Variants in ARHGAP28 observed in about 807,000 individuals in gnomAD.
ARHGAP28 encodes the protein rho GTPase-activating protein 28.
Under a neutral mutation model 90.7 loss-of-function variants are expected in ARHGAP28, and 56 were observed. That is an observed-to-expected ratio of 0.62 (90% CI 0.50 to 0.77). ARHGAP28 has a LOEUF of 0.77. Among genes scored for constraint, ARHGAP28 ranks in the 30% least tolerant of loss-of-function variants. The probability of loss-of-function intolerance (pLI) is 0.00; values close to 1 mark genes in which losing one functional copy is unlikely to be tolerated. For synonymous variants in ARHGAP28, 308 were observed against 323.3 expected, an observed-to-expected ratio of 0.95 and a Z score of 0.51; for missense variants, 869 against 900.9, an observed-to-expected ratio of 0.96 and a Z score of 0.45.
At chr18:6,879,657 C>T (rs2057161511) in intron 10 of ARHGAP28, among the ~76,000 whole-genome samples, 2 of 152,200 alleles carry the variant, frequency 1.3e-5, no homozygotes, top group South Asian at 2.1e-4. Flanking sequence ...TAAACAGTCA[C>T]GCCGCATACG....
chr18:6,809,044 C>T (rs2056538458), intron 1 of ARHGAP28, among the ~76,000 whole-genome samples: 1 of 152,244 alleles, frequency 6.6e-6, no homozygotes, highest in African/African-American at 2.4e-5. Flanking sequence ...TCTGCTTCTT[C>T]ACCTCAGTGA....
chr18:6,816,256 C>T (rs963959878), intron 1 of ARHGAP28, among the ~76,000 whole-genome samples: 1 of 152,178 alleles, frequency 6.6e-6, no homozygotes, highest in Admixed American at 6.5e-5. Context: ...TATTGCCTTT[C>T]AAGTGCTTTT....
chr18:6,797,162 A>T (rs1447233955), intron 1 of ARHGAP28, among the ~76,000 whole-genome samples: 1 of 152,164 alleles, frequency 6.6e-6, no homozygotes, highest in Non-Finnish European at 1.5e-5. Context: ...CCACTTATAA[A>T]ATCTGCCCTG....
intron 1 of ARHGAP28, among the ~76,000 whole-genome samples, chr18:6,811,690 C>T (rs1028729605): frequency 6.6e-6 from 1 of 151,776 alleles, no homozygotes; most frequent in Non-Finnish European, 1.5e-5. Flanking sequence ...TATTTAGTTT[C>T]GTGCCTCCTT....
chr18:6,800,655 A>G (rs181021947), intron 1 of ARHGAP28, among the ~76,000 whole-genome samples: 8 of 152,340 alleles, frequency 5.3e-5, no homozygotes, highest in Non-Finnish European at 8.8e-5. Flanking sequence ...TGGGAGTCGA[A>G]CAATAAGAAC....
chr18:6,797,925 G>A (rs752696999), intron 1 of ARHGAP28, among the ~76,000 whole-genome samples: 1 of 152,136 alleles, frequency 6.6e-6, no homozygotes, highest in African/African-American at 2.4e-5. Flanking sequence ...TTCCCAAAGT[G>A]CTGGGATTAC....
At chr18:6,845,145 C>T (rs540316297) in intron 3 of ARHGAP28, among the ~76,000 whole-genome samples, 93 of 152,316 alleles carry the variant, frequency 6.1e-4, no homozygotes, top group African/African-American at 1.9e-3. Context: ...GTTGCACAGT[C>T]GTAGCTCGCT....
At chr18:6,818,724 G>T (rs1170319191) in intron 1 of ARHGAP28, among the ~76,000 whole-genome samples, 2 of 152,176 alleles carry the variant, frequency 1.3e-5, no homozygotes, top group African/African-American at 4.8e-5. Flanking sequence ...GAGAAAGAAG[G>T]TTGCAGGAAG....
chr18:6,848,669 G>T (rs1050854547), intron 3 of ARHGAP28, among the ~76,000 whole-genome samples: 1 of 152,152 alleles, frequency 6.6e-6, no homozygotes, highest in Non-Finnish European at 1.5e-5. Context: ...TCTTGCGTTT[G>T]TCTCCCCTTG....
Position 6,775,673 on chromosome 18 carries a change from TAGGG to T in ARHGAP28, c.122+45733_122+45736del, listed in dbSNP as rs148330885. Among the ~76,000 whole-genome samples the T allele has an allele frequency of 2.8e-4, 43 of 152,330 alleles. No individual in the cohort carries two copies. In the East Asian group the frequency reaches 7.7e-3, roughly 27 times the overall value. The stretch of plus-strand genomic sequence containing the variant: ...ACATGCTTTGGTGATGATTACTAAA[TAGGG>T]AGACTTTCCTTAACTTTAAATCTCC... On this transcript the variant is annotated intron_variant, in intron 1 of 17. Coordinates refer to ENST00000383472, the MANE Select transcript of ARHGAP28 (RefSeq NM_001366230.1).
chr18:6,858,663 C>G (rs1355510532), intron 4 of ARHGAP28, among the ~76,000 whole-genome samples: 1 of 151,938 alleles, frequency 6.6e-6, no homozygotes, highest in African/African-American at 2.4e-5. Flanking sequence ...CCTGCCTCAG[C>G]TTCCCAACAG....
In ARHGAP28 at chr18:6,887,436, T is replaced by TTG. The variant is rs1461589500; in HGVS notation, c.1536+198_1536+199insGT. Among the ~76,000 whole-genome samples, 10 of 148,944 alleles carry TTG rather than the reference T, an allele frequency of 6.7e-5. 1 individual carries two copies. Among genetic ancestry groups the TTG allele is most frequent in the African/African-American group, 1.2e-4 (5 of 40,578 alleles). On this transcript the variant is annotated intron_variant, in intron 12 of 17. Coordinates refer to ENST00000383472, the MANE Select transcript of ARHGAP28 (RefSeq NM_001366230.1). Reference sequence around the variant, plus strand: ...GTGGAGATCTTGGTATCTTGTTTTTTTTTTTTTTTTGAGAGACAGAGTTTT... The same window carrying TTG: ...GTGGAGATCTTGGTATCTTGTTTTTTTGTTTTTTTTTTGAGAGACAGAGTTTT...
chr18:6,881,986 C>T, intron 10 of ARHGAP28, 151 bp from the exon 11 acceptor site: 1 of 568,608 alleles, frequency 1.8e-6, no homozygotes, highest in African/African-American at 1.9e-5. Context: ...AGCTATTTGC[C>T]TTAATCATGT....
intron 10 of ARHGAP28, among the ~76,000 whole-genome samples, chr18:6,876,453 A>G (rs970337994): frequency 2.6e-5 from 4 of 152,222 alleles, no homozygotes; most frequent in African/African-American, 9.6e-5. Context: ...TCAATTCACC[A>G]TCAAAAACTG....
intron 1 of ARHGAP28, among the ~76,000 whole-genome samples, chr18:6,764,639 CTG>C (rs1255399572): frequency 6.6e-6 from 1 of 152,164 alleles, no homozygotes; most frequent in East Asian, 1.9e-4. Context: ...TGGATATGAC[CTG>C]TGTGTTAGGC....
chr18:6,764,538 T>A (rs1211408521), intron 1 of ARHGAP28, among the ~76,000 whole-genome samples: 1 of 152,130 alleles, frequency 6.6e-6, no homozygotes, highest in Non-Finnish European at 1.5e-5. Flanking sequence ...AGCCAGAGAC[T>A]AAGTTGGCCC....
chr18:6,828,233 C>T (rs1457396511), intron 2 of ARHGAP28, among the ~76,000 whole-genome samples: 2 of 152,180 alleles, frequency 1.3e-5, no homozygotes, highest in Admixed American at 1.3e-4. Context: ...CGCCTGCAAT[C>T]GCAGGCACTC....
Position 6,835,271 on chromosome 18 carries a change from A to G in ARHGAP28, c.326-1926A>G, listed in dbSNP as rs12458928. Reference sequence around the variant, plus strand: ...AACTTTTTAAAATTTTAATATTAACATATTAAATATTAAATTGTAAATTTT... The same window carrying G: ...AACTTTTTAAAATTTTAATATTAACGTATTAAATATTAAATTGTAAATTTT... On this transcript the variant is annotated intron_variant, in intron 2 of 17. Coordinates refer to ENST00000383472, the MANE Select transcript of ARHGAP28 (RefSeq NM_001366230.1). 4.6e-3 allele frequency among the ~76,000 whole-genome samples: 702 copies of G among 152,288 alleles called. 20 individuals carry two copies. Among genetic ancestry groups the G allele is most frequent in the Admixed American group, 0.039 (595 of 15,306 alleles).
At chr18:6,818,283 A>G (rs2056604985) in intron 1 of ARHGAP28, among the ~76,000 whole-genome samples, 1 of 152,184 alleles carries the variant, frequency 6.6e-6, no homozygotes, top group African/African-American at 2.4e-5. Flanking sequence ...CTCTGCTATA[A>G]AAATATTTAC....
Sources: allele counts gnomAD v4.1 joint callset (sites outside exome capture counted in the v4.1 genomes callset), GRCh38; gene constraint gnomAD v4.1.1; transcripts MANE v1.5; gene names NCBI Gene and HGNC (gene_info 2026-07-23, HGNC 2026-07-21).